The following PROZ variants were observed in gnomAD, a reference collection of about 807,000 sequenced individuals.
PROZ encodes the protein vitamin K-dependent protein Z.
A neutral mutation model predicts 34.9 loss-of-function variants in PROZ; 46 were observed. The ratio of observed to expected loss-of-function variants is 1.32; its 90% CI spans 1.04 to 1.69. The LOEUF is 1.69. Ranked by LOEUF, PROZ falls within the 40% of genes most tolerant of loss-of-function variation. The pLI is 0.00. For synonymous variants in PROZ, 195 were observed against 208.5 expected, an observed-to-expected ratio of 0.94 and a Z score of 0.56; for missense variants, 530 against 520.4, an observed-to-expected ratio of 1.02 and a Z score of -0.18.
Position 113,171,720 on chromosome 13 carries a change from G to A in PROZ, c.818G>A (p.Cys273Tyr), listed in dbSNP as rs1439893061. 13 of 1,612,832 alleles carry A rather than the reference G, an allele frequency of 8.1e-6. No homozygotes were observed. Among genetic ancestry groups the A allele is most frequent in the African/African-American group, 4.0e-5 (3 of 74,940 alleles). ...CTGGAGCTGGAGTGGCCCATCCAGT[G>A]CCCAGGTGCGGGGCTCCCCGTGTGC... The part of the protein sequence containing the change: ...SLLELEWPIQ[C>Y]PGAGLPVCTP... The change falls in exon 8 of 8, where the codon TGC (cysteine) becomes TAC (tyrosine). Residue 273 changes from cysteine (C) to tyrosine (Y), a missense_variant. By Grantham distance (194) the Cys-to-Tyr change is radical. Transcript: ENST00000375547. This position sits in a 1 kb window ranked among gnomAD's most constrained non-coding sequence, Gnocchi z 5.1.
rs530615480 is a variant in PROZ, at chr13:113,167,384, C to T, written c.573+2264C>T. On this transcript the variant is annotated intron_variant, in intron 6 of 7. Transcript: ENST00000375547. The stretch of plus-strand genomic sequence containing the variant: ...CGACGCCACGGTAAAGTTGGAAAAA[C>T]ACTTTCTCACTTGGCTCAGCATTTT... Among the ~76,000 whole-genome samples the T allele has an allele frequency of 2.0e-5, 3 of 152,340 alleles. No homozygotes were observed. The South Asian group carries it at 6.2e-4, about 32-fold the overall frequency.
Position 113,159,889 on chromosome 13 carries a change from C to G in PROZ, c.71-125C>G. On this transcript the variant is annotated intron_variant, in intron 1 of 7. Coordinates refer to ENST00000375547, the MANE Select transcript of PROZ (RefSeq NM_003891.3). The surrounding 1 kb of genome is among the most constrained non-coding windows in gnomAD (Gnocchi z 4.6). ...TAGCGGGGTGGCCCTGAGGCCCTCG[C>G]AGGCTGAGAGCCTGTGGAGACGGAC... 1 of 1,197,410 alleles carries G rather than the reference C, an allele frequency of 8.4e-7. No individual in the cohort carries two copies. Among genetic ancestry groups the G allele is most frequent in the Non-Finnish European group, 1.2e-6 (1 of 808,046 alleles). The allele number at this position is 1,197,410 out of a possible 1,614,324, so 74.2% of individuals were successfully genotyped here.
rs2037117302 is a variant in PROZ at position 113,171,732 on chromosome 13, G to A, written c.830G>A (p.Gly277Glu). ...LEWPIQCPGAGLPVCTPEKDF... is the reference protein window; with the variant it reads ...LEWPIQCPGAELPVCTPEKDF... Reference sequence around the variant, plus strand: ...TGGCCCATCCAGTGCCCAGGTGCGGGGCTCCCCGTGTGCACCCCTGAGAAA... The same window carrying A: ...TGGCCCATCCAGTGCCCAGGTGCGGAGCTCCCCGTGTGCACCCCTGAGAAA... Residue 277 changes from glycine to glutamate, a missense_variant, in exon 8 of 8, where the codon GGG becomes GAG. By Grantham distance (98) the Gly-to-Glu change is moderately conservative. Coordinates refer to ENST00000375547, the MANE Select transcript of PROZ (RefSeq NM_003891.3). The surrounding 1 kb of genome is among the most constrained non-coding windows in gnomAD (Gnocchi z 5.1). 6.2e-7 allele frequency: 1 copy of A among 1,612,348 alleles called. No individual in the cohort carries two copies. Among genetic ancestry groups the A allele is most frequent in the Non-Finnish European group, 8.5e-7 (1 of 1,178,824 alleles).
rs3024767 is a variant in PROZ, at chr13:113,170,601, C to T, written c.691+71C>T. ...ACTATCCTATGTAAGAATGAAATGA[C>T]AAATTTAAAACTGGACTGTTTCTAA... On this transcript the variant is annotated intron_variant, in intron 7 of 7. Coordinates refer to ENST00000375547, the MANE Select transcript of PROZ (RefSeq NM_003891.3). 2,558 of 991,152 alleles carry T rather than the reference C, an allele frequency of 2.6e-3. 37 individuals are homozygous for T. In the African/African-American group the frequency reaches 0.036, roughly 14 times the overall value. The allele number at this position is 991,152 out of a possible 1,614,324, so 61.4% of individuals were successfully genotyped here. A position where few individuals can be genotyped will look rare whatever the true frequency, so the allele number is the denominator to read the frequency against.
intron 3 of PROZ, 119 bp from the exon 4 acceptor site, chr13:113,162,890 C>CA: frequency 1.5e-6 from 1 of 671,266 alleles, no homozygotes; most frequent in Non-Finnish European, 2.7e-6. Flanking sequence ...TCCCTGCTGC[C>CA]ACCCCCCACT....
intron 3 of PROZ, 93 bp from the exon 4 acceptor site, chr13:113,162,911 CCTGCT>C: frequency 3.3e-6 from 2 of 606,462 alleles, no homozygotes; most frequent in Non-Finnish European, 5.7e-6. Flanking sequence ...CCATCCTCCT[CCTGCT>C]CAGGTCCCCA....
rs1260631635 is a variant in PROZ, at chr13:113,171,510, C to T, written c.692-84C>T. On this transcript the variant is annotated intron_variant, in intron 7 of 7. Transcript: ENST00000375547. This position sits in a 1 kb window ranked among gnomAD's most constrained non-coding sequence, Gnocchi z 5.1. ...TCCAGGGCCGGTCTCTCCCTCCTCA[C>T]GTGGCTCCCTGAGAAGCTCGTTTGA... is the stretch of plus-strand genomic sequence containing the variant. The T allele has an allele frequency of 1.2e-5, 19 of 1,570,224 alleles. No homozygotes were observed. In the South Asian group the frequency reaches 1.2e-4, roughly 10 times the overall value.
rs1379180966 is a variant in PROZ at position 113,159,100 on chromosome 13, G to A, written c.70+370G>A. ...GAGCCCAGACTGCAATGTGGGCAGA[G>A]AGAGCCTTGGCCAGGCCAGCCAGGA... On this transcript the variant is annotated intron_variant, in intron 1 of 7. Transcript: ENST00000375547. The surrounding 1 kb of genome is among the most constrained non-coding windows in gnomAD (Gnocchi z 4.6). 1 of 978,284 alleles carries A rather than the reference G, an allele frequency of 1.0e-6. No individual in the cohort carries two copies. Among genetic ancestry groups the A allele is most frequent in the African/African-American group, 1.6e-5 (1 of 61,906 alleles). The allele number at this position is 978,284 out of a possible 1,614,324, so 60.6% of individuals were successfully genotyped here. A position where few individuals can be genotyped will look rare whatever the true frequency, so the allele number is the denominator to read the frequency against.
At chr13:113,164,040 G>A (rs1199956864) in intron 4 of PROZ, among the ~76,000 whole-genome samples, 1 of 150,492 alleles carries the variant, frequency 6.6e-6, no homozygotes, top group Non-Finnish European at 1.5e-5. Context: ...GTGCAGTGAC[G>A]CGATGTCAGC....
chr13:113,160,924 CA>C (rs1380968763), intron 2 of PROZ, 23 bp from the exon 3 acceptor site: 1 of 1,584,636 alleles, frequency 6.3e-7, no homozygotes, highest in African/African-American at 1.3e-5. Flanking sequence ...CCATTTGTAA[CA>C]TTTTTATGTT....
At chr13:113,166,207 G>A (rs945945633) in intron 6 of PROZ, 28 of 152,292 alleles carry the variant, frequency 1.8e-4, no homozygotes, top group African/African-American at 5.3e-4. Context: ...CCACAATAAT[G>A]TAAGTAAAAG....
Position 113,172,264 on chromosome 13 carries a change from T to G in PROZ, c.*159T>G. On this transcript the variant is annotated 3_prime_UTR_variant, in exon 8 of 8. Transcript: ENST00000375547. ...ACGCAGCAGCAGAGCCGCCGTTTGCTGGGTTGTTTACCGAGCACTGTGACC... is the reference window on the plus strand; with the variant it reads ...ACGCAGCAGCAGAGCCGCCGTTTGCGGGGTTGTTTACCGAGCACTGTGACC... 9.9e-7 allele frequency: 1 copy of G among 1,009,924 alleles called. No individual in the cohort carries two copies. The highest frequency in any genetic ancestry group is 2.6e-5 in the East Asian group (1 of 38,496). 62.6% of individuals were successfully genotyped at this position (1,009,924 alleles called of 1,614,324 possible).
Position 113,170,520 on chromosome 13 carries a change from T to C in PROZ, c.681T>C (p.Thr227=), listed in dbSNP as rs768536316. The C allele has an allele frequency of 2.6e-6, 4 of 1,538,340 alleles. No homozygotes were observed. The highest frequency in any genetic ancestry group is 3.6e-6 in the Non-Finnish European group (4 of 1,111,382). The change falls in exon 7 of 8, where the codon ACT becomes ACC. Residue 227 remains threonine, a synonymous_variant. Coordinates refer to ENST00000375547, the MANE Select transcript of PROZ (RefSeq NM_003891.3). ...GTTCACTGTTACACAGGAATATTAC[T>C]GTAAAAACATGTAAGTATTTTATCA... ...AKCSLLHRNI[T]VKTYFNRTSQ...
chr13:113,166,049 C>T (rs2036922382), intron 6 of PROZ: 1 of 152,268 alleles, frequency 6.6e-6, no homozygotes. Context: ...ATACCACCCA[C>T]ACTGGCTTTG....
Position 113,160,108 on chromosome 13 carries a change from A to C in PROZ, c.165A>C (p.Glu55Asp). The change falls in exon 2 of 8, where the codon GAA becomes GAC. Residue 55 changes from glutamate to aspartate, a missense_variant. Glu to Asp is a conservative substitution (Grantham distance 45). Transcript: ENST00000375547. The part of the protein sequence containing the change: ...LLEELFEGNL[E>D]KECYEEICVY... ...AAGAACTCTTCGAGGGAAACTTGGA[A>C]AAAGAATGTTATGAAGAAATCTGTG... The C allele has an allele frequency of 1.2e-6, 2 of 1,614,174 alleles. No individual in the cohort carries two copies. The highest frequency in any genetic ancestry group is 1.7e-6 in the Non-Finnish European group (2 of 1,180,030).
chr13:113,163,385 C>T (rs57259767), intron 4 of PROZ, among the ~76,000 whole-genome samples: 20 of 151,934 alleles, frequency 1.3e-4, no homozygotes, highest in Non-Finnish European at 2.4e-4. Flanking sequence ...CTCCTCCCCC[C>T]ACCACCTCAA....
intron 7 of PROZ, among the ~76,000 whole-genome samples, chr13:113,170,920 A>G (rs887110188): frequency 1.4e-5 from 2 of 144,410 alleles, no homozygotes; most frequent in South Asian, 2.5e-4. Flanking sequence ...ATCTGTGCCT[A>G]TTTCTTTCTT....
chr13:113,169,135 G>A (rs1346476285), intron 6 of PROZ, among the ~76,000 whole-genome samples: 1 of 152,064 alleles, frequency 6.6e-6, no homozygotes, highest in Non-Finnish European at 1.5e-5. Context: ...GAGATGGTCT[G>A]TTCATTTTTC....
rs1049018287 is a variant in PROZ at position 113,159,699 on chromosome 13, G to A, written c.71-315G>A. Among the ~76,000 whole-genome samples, 1 of 152,240 alleles carries A rather than the reference G, an allele frequency of 6.6e-6. No individual in the cohort carries two copies. Among genetic ancestry groups the A allele is most frequent in the African/African-American group, 2.4e-5 (1 of 41,466 alleles). Reference sequence around the variant, plus strand: ...TACGGGGACCTTTGACCCCAGCTCAGCCTTCCTTCGCACTCAGACCCAAAA... The same window carrying A: ...TACGGGGACCTTTGACCCCAGCTCAACCTTCCTTCGCACTCAGACCCAAAA... On this transcript the variant is annotated intron_variant, in intron 1 of 7. Transcript: ENST00000375547. This position sits in a 1 kb window ranked among gnomAD's most constrained non-coding sequence, Gnocchi z 4.6.
Sources: gnomAD v4.1 joint callset for allele counts (sites outside exome capture counted in the v4.1 genomes callset) on GRCh38, gnomAD v4.1.1 for gene constraint, Gnocchi (gnomAD v3.1) non-coding constraint, MANE v1.5 for transcripts, NCBI Gene and HGNC (gene_info 2026-07-23, HGNC 2026-07-21) for gene names.